Variants in NIN observed in about 807,000 individuals in gnomAD.
The protein encoded by NIN is glycogen synthase kinase 3 beta-interacting protein.
NIN carries 137 observed loss-of-function variants against 257.6 expected under a neutral mutation model. The observed-to-expected ratio is 0.53, with a 90% CI of 0.46 to 0.61. NIN has a LOEUF of 0.61. Ranked by LOEUF, NIN falls within the 20% of genes least tolerant of loss-of-function variation. The pLI, the probability that NIN is intolerant of heterozygous loss-of-function variation, is 0.00. For missense variants in NIN, 2,439 were observed against 2,501.2 expected (o/e 0.98, Z 0.53); for synonymous variants, 918 against 919.8 (o/e 1.00, Z 0.04).
chr14:50,794,386 T>A, intron 4 of NIN: 1 of 474,006 alleles, frequency 2.1e-6, no homozygotes, highest in Non-Finnish European at 2.8e-6. Flanking sequence ...ACAGGAAGTG[T>A]TTAAGCATAC....
chr14:50,768,226 C>T (rs1342927087), intron 12 of NIN, among the ~76,000 whole-genome samples: 1 of 151,940 alleles, frequency 6.6e-6, no homozygotes, highest in Non-Finnish European at 1.5e-5. Flanking sequence ...TTCACACCCT[C>T]ATACAGCAAT....
At chr14:50,788,626 T>C (rs914547719) in intron 5 of NIN, among the ~76,000 whole-genome samples, 1 of 152,182 alleles carries the variant, frequency 6.6e-6, no homozygotes, top group African/African-American at 2.4e-5. Flanking sequence ...TGTAGCAACC[T>C]CCCCTACTAT....
At position 50,722,696 on chromosome 14, in the gene NIN, A is replaced by G. The variant is rs1163118917; in HGVS notation, c.*767T>C. On this transcript the variant is annotated 3_prime_UTR_variant, in exon 31 of 31. Coordinates refer to ENST00000530997, the MANE Select transcript of NIN (RefSeq NM_020921.4). ...AAGTGGTTTGTTCAGTGCTTTCCCT[A>G]TAGTTCAACTGCTTTAATTATGTGG... 1 of 216,528 alleles carries G rather than the reference A, an allele frequency of 4.6e-6. No individual in the cohort carries two copies. Among genetic ancestry groups the G allele is most frequent in the Non-Finnish European group, 9.3e-6 (1 of 107,256 alleles). The allele number at this position is 216,528 out of a possible 1,614,324, so 13.4% of individuals were successfully genotyped here.
At chr14:50,807,287 G>T (rs1008772257) in intron 3 of NIN, among the ~76,000 whole-genome samples, 2 of 152,124 alleles carry the variant, frequency 1.3e-5, no homozygotes, top group African/African-American at 4.8e-5. Flanking sequence ...TTCCTTGAGG[G>T]AAGGTATATA....
intron 30 of NIN, 108 bp from the exon 31 acceptor site, chr14:50,723,780 G>A (rs1019689597): frequency 1.3e-5 from 11 of 845,328 alleles, no homozygotes; most frequent in South Asian, 6.8e-5. Context: ...AAATCACTTC[G>A]TCTAATTATA....
intron 29 of NIN, chr14:50,727,161 C>CA (rs990332422): frequency 9.4e-4 from 599 of 640,466 alleles, no homozygotes; most frequent in East Asian, 4.9e-3. Context: ...CAAAGCAAAA[C>CA]AAAAAAAAAG....
Position 50,757,933 on chromosome 14 carries a change from G to A in NIN, c.3097C>T (p.Gln1033Ter). The A allele has an allele frequency of 6.2e-7, 1 of 1,614,166 alleles. No homozygotes were observed. Among genetic ancestry groups the A allele is most frequent in the Non-Finnish European group, 8.5e-7 (1 of 1,180,022 alleles). The change falls in exon 18 of 31, where the codon CAG becomes TAG. Residue 1033 changes from glutamine to a stop codon, truncating the protein, a stop_gained. Transcript: ENST00000530997. LOFTEE classifies it high-confidence loss of function. Reference protein sequence around the residue: ...QQATSPLSMLQSGCQVIGEEE... With the variant: ...QQATSPLSML ...TCTCCTATCACCTGGCAACCACTCT[G>A]AAGCATTGAGAGAGGAGATGTTGCC...
chr14:50,807,903 T>C (rs1480123521), intron 3 of NIN, among the ~76,000 whole-genome samples: 7 of 152,244 alleles, frequency 4.6e-5, no homozygotes, highest in Admixed American at 4.6e-4. Context: ...TTCCAAAGTA[T>C]ATGTGATTTC....
chr14:50,766,920 T>C (rs144507010), intron 12 of NIN, 30 bp from the exon 13 acceptor site: 3 of 1,471,964 alleles, frequency 2.0e-6, no homozygotes, highest in African/African-American at 1.4e-5. Flanking sequence ...TTAAATGTGG[T>C]ACAGATTAAG....
chr14:50,722,600 C>CT lies in NIN; in HGVS notation c.*862dup. On this transcript the variant is annotated 3_prime_UTR_variant, in exon 31 of 31. Transcript: ENST00000530997. ...GCAACCTCAAGTAAATTTATGAACTCTAAGATTTGAGAGACAGAAAACCTA... is the reference window on the plus strand; with the variant it reads ...GCAACCTCAAGTAAATTTATGAACTCTTAAGATTTGAGAGACAGAAAACCTA... 1 of 212,820 alleles carries CT rather than the reference C, an allele frequency of 4.7e-6. No individual in the cohort carries two copies. Among genetic ancestry groups the CT allele is most frequent in the East Asian group, 7.0e-5 (1 of 14,230 alleles). 13.2% of individuals were successfully genotyped at this position (212,820 alleles called of 1,614,324 possible).
At chr14:50,817,467 T>A (rs908455573) in intron 3 of NIN, among the ~76,000 whole-genome samples, 2 of 152,078 alleles carry the variant, frequency 1.3e-5, no homozygotes, top group Non-Finnish European at 2.9e-5. Flanking sequence ...TGTAAGAAAA[T>A]TGATCTAAAT....
At chr14:50,824,625 T>A (rs1344277446) in intron 2 of NIN, among the ~76,000 whole-genome samples, 1 of 152,226 alleles carries the variant, frequency 6.6e-6, no homozygotes, top group African/African-American at 2.4e-5. Context: ...AATGGTAAGA[T>A]CCACGCTCCT....
intron 4 of NIN, among the ~76,000 whole-genome samples, chr14:50,799,423 G>C (rs1476200984): frequency 6.6e-6 from 1 of 152,186 alleles, no homozygotes; most frequent in Non-Finnish European, 1.5e-5. Flanking sequence ...CATGGGAGCA[G>C]TCAGCAAGAG....
intron 22 of NIN, 41 bp downstream of exon 22, chr14:50,747,951 A>C (rs760795871): frequency 2.3e-6 from 3 of 1,321,712 alleles, no homozygotes; most frequent in East Asian, 4.6e-5. Flanking sequence ...CACCAGGTAC[A>C]TATTGTTCTG....
chr14:50,770,648 C>G, intron 11 of NIN, 86 bp from the exon 12 acceptor site: 1 of 1,496,848 alleles, frequency 6.7e-7, no homozygotes, highest in Admixed American at 1.9e-5. Context: ...CACAGAGGCA[C>G]AGAGATGAAA....
rs78251482 is a variant in NIN at position 50,758,365 on chromosome 14, C to G, written c.2665G>C (p.Val889Leu). 4.1e-4 allele frequency: 658 copies of G among 1,614,238 alleles called. 2 individuals carry two copies. In the African/African-American group the frequency reaches 8.0e-3, roughly 20 times the overall value. ...AGCATCTCTCTCTCCTGGGTCAGGACCAGAGAAGTTGTTTTCTCTCTCTTA... is the reference window on the plus strand; with the variant it reads ...AGCATCTCTCTCTCCTGGGTCAGGAGCAGAGAAGTTGTTTTCTCTCTCTTA... ...TLKREKTTSL[V>L]LTQEREMLEK... is the part of the protein sequence containing the mutation. The change falls in exon 18 of 31, where the codon GTC (valine) becomes CTC (leucine). Residue 889 changes from valine to leucine, a missense_variant. Transcript: ENST00000530997.
Position 50,761,813 on chromosome 14 carries a change from G to C in NIN, c.1873C>G (p.Leu625Val), listed in dbSNP as rs771677668. The C allele has an allele frequency of 6.2e-7, 1 of 1,614,162 alleles. No individual in the cohort carries two copies. Among genetic ancestry groups the C allele is most frequent in the East Asian group, 2.2e-5 (1 of 44,876 alleles). ...KEQHHRDICC[L>V]RLELEDKVRH... ...ACTTTATCTTCGAGCTCCAGTCTGA[G>C]GCAACATATGTCCCTGTGATGTTGT... The change falls in exon 16 of 31, where the codon CTC becomes GTC. Residue 625 changes from leucine (L) to valine (V), a missense_variant. Transcript: ENST00000530997.
chr14:50,723,154 C>T lies in NIN; in HGVS notation c.*309G>A, dbSNP rs1337920202. ...GATTTGTAATAATTAAAAAAAAAAC[C>T]AAAACCACAAAAACTCATTCAAAAC... On this transcript the variant is annotated 3_prime_UTR_variant, in exon 31 of 31. Coordinates refer to ENST00000530997, the MANE Select transcript of NIN (RefSeq NM_020921.4). The T allele has an allele frequency of 7.6e-6, 2 of 262,766 alleles. No individual in the cohort carries two copies. The highest frequency in any genetic ancestry group is 1.4e-5 in the Non-Finnish European group (2 of 140,214). The allele number at this position is 262,766 out of a possible 1,614,324, so 16.3% of individuals were successfully genotyped here.
intron 4 of NIN, among the ~76,000 whole-genome samples, chr14:50,797,631 A>G (rs961043091): frequency 9.9e-5 from 15 of 152,220 alleles, no homozygotes; most frequent in African/African-American, 3.6e-4. Context: ...TGCTGAATGC[A>G]CCATCACACA....
Sources: gnomAD v4.1 joint callset for allele counts (sites outside exome capture counted in the v4.1 genomes callset) on GRCh38, gnomAD v4.1.1 for gene constraint, MANE v1.5 for transcripts, NCBI Gene and HGNC (gene_info 2026-07-23, HGNC 2026-07-21) for gene names.